SLC4A10: variants seen among roughly 807,000 people sequenced by gnomAD.
SLC4A10 encodes solute carrier family 4 member 10.
SLC4A10 carries 42 observed loss-of-function variants against 137.7 expected under a neutral mutation model. The observed-to-expected ratio is 0.30, with a 90% CI of 0.24 to 0.39. The LOEUF (loss-of-function observed/expected upper bound fraction) is 0.39, where lower values mean the gene tolerates loss of function less well. SLC4A10 is among the 10% of genes least tolerant of loss of function. SLC4A10 has a pLI of 1.00. For missense variants in SLC4A10, 925 were observed against 1,355.0 expected (o/e 0.68, Z 4.98); for synonymous variants, 474 against 464.1 (o/e 1.02, Z -0.27).
intron 3 of SLC4A10, among the ~76,000 whole-genome samples, chr2:161,811,611 C>A (rs2125637045): frequency 6.6e-6 from 1 of 152,102 alleles, no homozygotes; most frequent in Middle Eastern, 3.4e-3. Context: ...ACTTTCTTCG[C>A]CTTCTTCATC....
intron 2 of SLC4A10, among the ~76,000 whole-genome samples, chr2:161,771,421 C>A (rs956654742): frequency 6.6e-6 from 1 of 151,752 alleles, no homozygotes; most frequent in Non-Finnish European, 1.5e-5. Context: ...GGGGGAGGGG[C>A]ATCTAACTCA....
At chr2:161,909,490 G>A (rs1685306675) in intron 15 of SLC4A10, among the ~76,000 whole-genome samples, 1 of 152,190 alleles carries the variant, frequency 6.6e-6, no homozygotes, top group Admixed American at 6.5e-5. Flanking sequence ...TTATGGGCAT[G>A]AGGTTTTAGT....
At chr2:161,942,177 T>C (rs1018367231) in intron 15 of SLC4A10, among the ~76,000 whole-genome samples, 1 of 152,174 alleles carries the variant, frequency 6.6e-6, no homozygotes, top group African/African-American at 2.4e-5. Context: ...AGTTATGTGG[T>C]ATATGTGGGT....
At chr2:161,784,122 ACTCT>A (rs2053361939) in intron 2 of SLC4A10, among the ~76,000 whole-genome samples, 1 of 151,826 alleles carries the variant, frequency 6.6e-6, no homozygotes, top group African/African-American at 2.4e-5. Flanking sequence ...ATAAGTCAAA[ACTCT>A]CTCAAAAGAC....
chr2:161,882,529 T>C, intron 10 of SLC4A10, 85 bp downstream of exon 10: 1 of 766,878 alleles, frequency 1.3e-6, no homozygotes, highest in Non-Finnish European at 2.0e-6. Flanking sequence ...GACAGTTTGT[T>C]GTGAATCAGA....
intron 15 of SLC4A10, among the ~76,000 whole-genome samples, chr2:161,928,372 T>G: frequency 2.6e-5 from 2 of 76,920 alleles, no homozygotes; most frequent in South Asian, 4.8e-4. Context: ...GGGACTGTTG[T>G]GGGGTGGGGG....
intron 1 of SLC4A10, among the ~76,000 whole-genome samples, chr2:161,696,450 C>G (rs1209914308): frequency 2.6e-5 from 2 of 76,494 alleles, no homozygotes; most frequent in Admixed American, 1.8e-4. Context: ...TGCTATCCCT[C>G]CCCCCTCCCC....
chr2:161,897,154 A>G (rs556523326), intron 11 of SLC4A10, among the ~76,000 whole-genome samples: 6 of 152,260 alleles, frequency 3.9e-5, no homozygotes, highest in African/African-American at 1.4e-4. Context: ...GTTTATGAAC[A>G]TCTAATGTAT....
chr2:161,801,247 CT>C lies in SLC4A10; in HGVS notation c.131-3200del, dbSNP rs1559279579. Among the ~76,000 whole-genome samples, 3 of 151,904 alleles carry C rather than the reference CT, an allele frequency of 2.0e-5. No homozygotes were observed. The South Asian group carries it at 6.2e-4, about 31-fold the overall frequency. On this transcript the variant is annotated intron_variant, in intron 2 of 26. Coordinates refer to ENST00000446997, the MANE Select transcript of SLC4A10 (RefSeq NM_001178015.2). Reference sequence around the variant, plus strand: ...TTCTTATTCTCATTTAACTTTTCTACTTGTTTCTTCTTTATTTGTATTTTTC... The same window carrying C: ...TTCTTATTCTCATTTAACTTTTCTACTGTTTCTTCTTTATTTGTATTTTTC...
chr2:161,821,332 A>C (rs1442521164), intron 3 of SLC4A10, among the ~76,000 whole-genome samples: 22 of 152,252 alleles, frequency 1.4e-4, no homozygotes. Flanking sequence ...TTTCCATTAT[A>C]TGTTTTAGTA....
At chr2:161,947,815 C>T in intron 17 of SLC4A10, 88 bp downstream of exon 17, 1 of 1,423,638 alleles carries the variant, frequency 7.0e-7, no homozygotes, top group African/African-American at 1.4e-5. Flanking sequence ...CACTGAAAGG[C>T]TTTTGTGTGA....
At chr2:161,886,912 G>C (rs1327832620) in intron 10 of SLC4A10, among the ~76,000 whole-genome samples, 1 of 151,928 alleles carries the variant, frequency 6.6e-6, no homozygotes, top group Non-Finnish European at 1.5e-5. Context: ...ATCTACATTA[G>C]GTATTTCTCC....
At chr2:161,848,645 C>T (rs1048024780) in intron 4 of SLC4A10, among the ~76,000 whole-genome samples, 1 of 152,040 alleles carries the variant, frequency 6.6e-6, no homozygotes, top group Non-Finnish European at 1.5e-5. Context: ...GGAGTCCTTT[C>T]CTCATTGCTT....
chr2:161,703,176 G>GT (rs1199686022), intron 1 of SLC4A10, among the ~76,000 whole-genome samples: 3 of 151,538 alleles, frequency 2.0e-5, no homozygotes, highest in African/African-American at 7.3e-5. Context: ...ACTTATTGGG[G>GT]TTTATTCTAA....
chr2:161,944,122 A>G (rs1169344068), intron 16 of SLC4A10, among the ~76,000 whole-genome samples: 1 of 151,886 alleles, frequency 6.6e-6, no homozygotes, highest in Non-Finnish European at 1.5e-5. Context: ...CTAGAAAAAT[A>G]ACATTGCCAG....
chr2:161,798,763 G>C (rs1295106904), intron 2 of SLC4A10, among the ~76,000 whole-genome samples: 3 of 150,890 alleles, frequency 2.0e-5, no homozygotes, highest in Non-Finnish European at 4.4e-5. Flanking sequence ...ATCAACAGCT[G>C]TGTTCTACCT....
intron 15 of SLC4A10, among the ~76,000 whole-genome samples, chr2:161,922,634 A>G (rs960511532): frequency 6.6e-6 from 1 of 152,192 alleles, no homozygotes; most frequent in Non-Finnish European, 1.5e-5. Flanking sequence ...GAAAATATAC[A>G]TAAGAACTAC....
At chr2:161,949,814 T>G (rs959659336) in intron 18 of SLC4A10, among the ~76,000 whole-genome samples, 1 of 152,012 alleles carries the variant, frequency 6.6e-6, no homozygotes, top group African/African-American at 2.4e-5. Flanking sequence ...ATATATACCT[T>G]ATACATATAA....
intron 2 of SLC4A10, among the ~76,000 whole-genome samples, chr2:161,795,911 GC>G (rs1411772026): frequency 2.6e-5 from 4 of 151,822 alleles, no homozygotes; most frequent in Non-Finnish European, 5.9e-5. Context: ...TTTATATTCT[GC>G]CTTGGATGTT....
Sources: allele counts gnomAD v4.1 joint callset (sites outside exome capture counted in the v4.1 genomes callset), GRCh38; gene constraint gnomAD v4.1.1; transcripts MANE v1.5; gene names NCBI Gene and HGNC (gene_info 2026-07-23, HGNC 2026-07-21).